NBAS: variants seen among roughly 807,000 people sequenced by gnomAD.
NBAS encodes NAG/BC035112 fusion.
In NBAS, 219 loss-of-function variants were observed where a neutral mutation model predicts 302.5. The observed-to-expected ratio is 0.72, with a 90% CI of 0.65 to 0.81. NBAS has a LOEUF of 0.81. Ranked by LOEUF, NBAS falls within the 30% of genes least tolerant of loss-of-function variation. The probability of loss-of-function intolerance (pLI) is 0.00; values close to 1 mark genes in which losing one functional copy is unlikely to be tolerated. For missense variants in NBAS, 2,932 were observed against 2,841.6 expected (o/e 1.03, Z -0.72); for synonymous variants, 1,118 against 1,021.6 (o/e 1.09, Z -1.80).
chr2:15,387,309 C>T (rs574557616), intron 28 of NBAS, among the ~76,000 whole-genome samples: 14 of 152,106 alleles, frequency 9.2e-5, no homozygotes, highest in Admixed American at 8.5e-4. Context: ...CCTTGTGATC[C>T]GCCCGCCTCG....
chr2:14,848,321 A>G, the NBAS span, among the ~76,000 whole-genome samples: 3 of 144,550 alleles, frequency 2.1e-5, no homozygotes, highest in East Asian at 1.9e-4. Flanking sequence ...GGTGACGGAC[A>G]CACCTGGAAA....
the NBAS span, among the ~76,000 whole-genome samples, chr2:15,105,944 A>G: frequency 1.3e-5 from 2 of 152,176 alleles, no homozygotes; most frequent in Non-Finnish European, 2.9e-5. Flanking sequence ...TTTCGCCTTG[A>G]GCTACATCTG....
chr2:15,311,744 A>G (rs1481929519), intron 38 of NBAS, among the ~76,000 whole-genome samples: 1 of 152,182 alleles, frequency 6.6e-6, no homozygotes, highest in East Asian at 1.9e-4. Context: ...TCTCTACGGA[A>G]GAAGTTAGAT....
chr2:15,551,238 C>G (rs1305628642), intron 6 of NBAS, among the ~76,000 whole-genome samples: 1 of 151,328 alleles, frequency 6.6e-6, no homozygotes, highest in Non-Finnish European at 1.5e-5. Context: ...TAAAAGGCTA[C>G]AGTTAAAAAT....
At chr2:15,338,170 T>C (rs1672678121) in intron 35 of NBAS, among the ~76,000 whole-genome samples, 1 of 152,230 alleles carries the variant, frequency 6.6e-6, no homozygotes, top group South Asian at 2.1e-4. Flanking sequence ...TCAACGACTA[T>C]GACAAATTAT....
chr2:15,229,688 A>G (rs1667299081), intron 47 of NBAS, among the ~76,000 whole-genome samples: 1 of 151,840 alleles, frequency 6.6e-6, no homozygotes, highest in Non-Finnish European at 1.5e-5. Context: ...AGGCTGAGGC[A>G]GGAGAATTGT....
At position 15,534,528 on chromosome 2, in the gene NBAS, C is replaced by T; in HGVS notation, c.746+15G>A. The T allele has an allele frequency of 1.3e-6, 2 of 1,547,468 alleles. No individual in the cohort carries two copies. Among genetic ancestry groups the T allele is most frequent in the Non-Finnish European group, 1.8e-6 (2 of 1,118,536 alleles). On this transcript the variant is annotated intron_variant, in intron 9 of 51. Transcript: ENST00000281513. ...TTCTATGTCCCACTAAATATGAGAACAAATGGTTACTTACCTGTGACCAGG... is the reference window on the plus strand; with the variant it reads ...TTCTATGTCCCACTAAATATGAGAATAAATGGTTACTTACCTGTGACCAGG...
At chr2:15,387,887 C>T (rs146543956) in intron 28 of NBAS, among the ~76,000 whole-genome samples, 3 of 152,124 alleles carry the variant, frequency 2.0e-5, no homozygotes, top group East Asian at 3.9e-4. Flanking sequence ...TGCCCGCCTC[C>T]GCCTCCCAAA....
the NBAS span, among the ~76,000 whole-genome samples, chr2:14,960,762 A>C: frequency 6.6e-6 from 1 of 152,208 alleles, no homozygotes; most frequent in Non-Finnish European, 1.5e-5. Context: ...TGTATTCACC[A>C]AATGACCACT....
the NBAS span, among the ~76,000 whole-genome samples, chr2:15,144,712 T>C: frequency 6.6e-6 from 1 of 152,192 alleles, no homozygotes; most frequent in Admixed American, 6.5e-5. Flanking sequence ...AGAAAGTGCA[T>C]GGGCTTCGCA....
the NBAS span, among the ~76,000 whole-genome samples, chr2:14,849,859 A>C: frequency 2.9e-5 from 4 of 136,482 alleles, no homozygotes; most frequent in African/African-American, 1.4e-4. Context: ...GAAATAAAAT[A>C]CTTTACAGAC....
intron 38 of NBAS, among the ~76,000 whole-genome samples, chr2:15,312,990 T>G (rs1003571697): frequency 2.0e-4 from 31 of 152,224 alleles, no homozygotes; most frequent in African/African-American, 7.5e-4. Flanking sequence ...TTCCAGCACT[T>G]TCTTAAAATA....
intron 44 of NBAS, among the ~76,000 whole-genome samples, chr2:15,242,142 A>C (rs565298038): frequency 4.3e-4 from 66 of 152,302 alleles, no homozygotes; most frequent in African/African-American, 1.5e-3. Flanking sequence ...AGCATTACTG[A>C]GTCTAGCCCT....
chr2:15,494,193 A>G (rs766055191), intron 11 of NBAS, among the ~76,000 whole-genome samples: 1 of 152,190 alleles, frequency 6.6e-6, no homozygotes, highest in Non-Finnish European at 1.5e-5. Flanking sequence ...TTAATCATGA[A>G]TGTCATTTTT....
At chr2:15,348,932 G>C (rs528588237) in intron 35 of NBAS, among the ~76,000 whole-genome samples, 2 of 152,102 alleles carry the variant, frequency 1.3e-5, no homozygotes, top group African/African-American at 4.8e-5. Context: ...TATAGAGAAC[G>C]GGGCAATTAA....
chr2:15,434,210 T>C (rs1677899252), intron 21 of NBAS, among the ~76,000 whole-genome samples: 1 of 152,032 alleles, frequency 6.6e-6, no homozygotes, highest in South Asian at 2.1e-4. Context: ...ATGATTAATG[T>C]CAACAAAACA....
At chr2:15,371,710 T>A (rs1674494410) in intron 31 of NBAS, among the ~76,000 whole-genome samples, 1 of 152,088 alleles carries the variant, frequency 6.6e-6, no homozygotes, top group Admixed American at 6.6e-5. Flanking sequence ...CTTGTCCCCA[T>A]CATTATTTCA....
chr2:15,317,107 C>T lies in NBAS; in HGVS notation c.4583-7860G>A, dbSNP rs528686298. 7.2e-5 allele frequency among the ~76,000 whole-genome samples: 11 copies of T among 152,324 alleles called. No individual in the cohort carries two copies. The South Asian group carries it at 1.5e-3, about 20-fold the overall frequency. Reference sequence around the variant, plus strand: ...CCATTGGTGATGAACAGGCAAACAGCGTCTGGAGTGGACCTCCAGCAAACT... The same window carrying T: ...CCATTGGTGATGAACAGGCAAACAGTGTCTGGAGTGGACCTCCAGCAAACT... On this transcript the variant is annotated intron_variant, in intron 38 of 51. Coordinates refer to ENST00000281513, the MANE Select transcript of NBAS (RefSeq NM_015909.4).
chr2:15,312,603 T>C (rs778329107), intron 38 of NBAS, among the ~76,000 whole-genome samples: 1 of 152,172 alleles, frequency 6.6e-6, no homozygotes, highest in Non-Finnish European at 1.5e-5. Context: ...ATTCAGCTGG[T>C]ACCCTGGTCT....
Sources: gnomAD v4.1 joint callset for allele counts (sites outside exome capture counted in the v4.1 genomes callset) on GRCh38, gnomAD v4.1.1 for gene constraint, MANE v1.5 for transcripts, NCBI Gene and HGNC (gene_info 2026-07-23, HGNC 2026-07-21) for gene names.